The following TSPAN13 variants were observed in gnomAD, a reference collection of about 807,000 sequenced individuals.
TSPAN13 encodes tetraspanin-13.
A neutral mutation model predicts 26.9 loss-of-function variants in TSPAN13; 18 were observed. The observed-to-expected ratio is 0.67, with a 90% CI of 0.46 to 0.99. The LOEUF (loss-of-function observed/expected upper bound fraction) is 0.99. TSPAN13 is among the 50% of genes least tolerant of loss of function. TSPAN13 has a pLI of 0.00. For missense variants in TSPAN13, 201 were observed against 249.6 expected (o/e 0.81, Z 1.31); for synonymous variants, 116 against 98.4 (o/e 1.18, Z -1.06).
chr7:16,763,553 T>G (rs995278407), intron 1 of TSPAN13, among the ~76,000 whole-genome samples: 2 of 152,234 alleles, frequency 1.3e-5, no homozygotes, highest in Admixed American at 1.3e-4. Flanking sequence ...GATCTTTCCC[T>G]GTCCATGATG....
chr7:16,755,169 T>C (rs1784468996), intron 1 of TSPAN13, among the ~76,000 whole-genome samples: 1 of 152,144 alleles, frequency 6.6e-6, no homozygotes, highest in Non-Finnish European at 1.5e-5. Flanking sequence ...CCAGCACCCC[T>C]GCATTAGCAG....
chr7:16,780,612 A>G (rs1012814454), intron 5 of TSPAN13, among the ~76,000 whole-genome samples: 2 of 152,126 alleles, frequency 1.3e-5, no homozygotes, highest in African/African-American at 2.4e-5. Flanking sequence ...TTAAAAATAC[A>G]GATAGAGAAA....
Position 16,777,830 on chromosome 7 carries a change from G to A in TSPAN13, c.345G>A (p.Thr115=), listed in dbSNP as rs769057523. 90 of 1,613,652 alleles carry A rather than the reference G, an allele frequency of 5.6e-5. No individual in the cohort carries two copies. The highest frequency in any genetic ancestry group is 5.3e-4 in the East Asian group (24 of 44,868). ...GQLLEVGWNN[T]ASARNDIQRN... ...TTCTGGAGGTTGGTTGGAACAATACGGCAAGTGCTCGAAATGACATCCAGA... is the reference window on the plus strand; with the variant it reads ...TTCTGGAGGTTGGTTGGAACAATACAGCAAGTGCTCGAAATGACATCCAGA... The change falls in exon 4 of 6, where the codon ACG becomes ACA. Residue 115 remains threonine, a synonymous_variant. Coordinates refer to ENST00000262067, the MANE Select transcript of TSPAN13 (RefSeq NM_014399.4).
At chr7:16,776,165 C>G in intron 1 of TSPAN13, 46 bp from the exon 2 acceptor site, 1 of 1,580,628 alleles carries the variant, frequency 6.3e-7, no homozygotes, top group East Asian at 2.3e-5. Context: ...CCCATTCTCT[C>G]TCCTCTCTCT....
At chr7:16,770,082 T>C (rs1784656314) in intron 1 of TSPAN13, among the ~76,000 whole-genome samples, 1 of 152,020 alleles carries the variant, frequency 6.6e-6, no homozygotes. Context: ...TCTCCTACCA[T>C]TGGGTTTGTT....
At chr7:16,767,601 T>C (rs1033048308) in intron 1 of TSPAN13, among the ~76,000 whole-genome samples, 1 of 152,206 alleles carries the variant, frequency 6.6e-6, no homozygotes, top group Non-Finnish European at 1.5e-5. Flanking sequence ...GGGATACATA[T>C]AATTTTCCTA....
At chr7:16,768,550 T>C (rs1322948058) in intron 1 of TSPAN13, among the ~76,000 whole-genome samples, 1 of 152,242 alleles carries the variant, frequency 6.6e-6, no homozygotes, top group Non-Finnish European at 1.5e-5. Context: ...AATACTTTCT[T>C]AAACAGAGTA....
At chr7:16,759,760 C>T (rs976966198) in intron 1 of TSPAN13, among the ~76,000 whole-genome samples, 10 of 149,044 alleles carry the variant, frequency 6.7e-5, no homozygotes, top group Admixed American at 2.7e-4. Flanking sequence ...GATCTCAGCT[C>T]ACTGCCAGAG....
chr7:16,770,901 C>T (rs147228141), intron 1 of TSPAN13, among the ~76,000 whole-genome samples: 5 of 152,310 alleles, frequency 3.3e-5, no homozygotes, highest in East Asian at 1.9e-4. Flanking sequence ...TTGATAGGCT[C>T]GTGTTTCTCT....
intron 5 of TSPAN13, 133 bp downstream of exon 5, chr7:16,779,249 T>C: frequency 3.2e-6 from 2 of 630,920 alleles, no homozygotes; most frequent in Non-Finnish European, 5.3e-6. Context: ...AAACTTGGTT[T>C]AGAATCAGAA....
intron 1 of TSPAN13, among the ~76,000 whole-genome samples, chr7:16,766,558 G>T (rs1450179238): frequency 6.6e-6 from 1 of 152,154 alleles, no homozygotes; most frequent in Admixed American, 6.5e-5. Context: ...ACTGCCTGTT[G>T]CCTTCAGTTG....
intron 5 of TSPAN13, 70 bp from the exon 6 acceptor site, chr7:16,783,347 G>A: frequency 6.9e-7 from 1 of 1,446,882 alleles, no homozygotes; most frequent in Admixed American, 1.8e-5. Flanking sequence ...TTATTTTATT[G>A]ATCAACTGAA....
rs1373083403 is a variant in TSPAN13 at position 16,784,429 on chromosome 7, C to T, written c.*938C>T. 2.0e-5 allele frequency: 3 copies of T among 152,036 alleles called. No individual in the cohort carries two copies. The highest frequency in any genetic ancestry group is 2.9e-5 in the Non-Finnish European group (2 of 67,992). The allele number at this position is 152,036 out of a possible 1,614,324, so 9.4% of individuals were successfully genotyped here. A position where few individuals can be genotyped will look rare whatever the true frequency, so the allele number is the denominator to read the frequency against. ...ATCTCCCATAATTTGAAATTGAAATCGTATTGTGTGGCTCTGTATATTCTG... is the reference window on the plus strand; with the variant it reads ...ATCTCCCATAATTTGAAATTGAAATTGTATTGTGTGGCTCTGTATATTCTG... On this transcript the variant is annotated 3_prime_UTR_variant, in exon 6 of 6. Coordinates refer to ENST00000262067, the MANE Select transcript of TSPAN13 (RefSeq NM_014399.4).
chr7:16,754,180 C>A, intron 1 of TSPAN13, 150 bp downstream of exon 1: 1 of 802,304 alleles, frequency 1.2e-6, no homozygotes, highest in Non-Finnish European at 2.0e-6. Flanking sequence ...CCTCACCATC[C>A]GTCCCCGCCG....
rs770965298 is a variant in TSPAN13, at chr7:16,776,392, A to T, written c.231+14A>T. 6.2e-7 allele frequency: 1 copy of T among 1,604,844 alleles called. No individual in the cohort carries two copies. Among genetic ancestry groups the T allele is most frequent in the Non-Finnish European group, 8.5e-7 (1 of 1,174,728 alleles). On this transcript the variant is annotated intron_variant, in intron 2 of 5. Coordinates refer to ENST00000262067, the MANE Select transcript of TSPAN13 (RefSeq NM_014399.4). ...TTGCTATTTTTTGTATCCTTTTTAA[A>T]AATCAAGATTTTACTCTTGATGACT...
chr7:16,779,190 CTTG>C, intron 5 of TSPAN13, 74 bp downstream of exon 5: 2 of 1,115,168 alleles, frequency 1.8e-6, no homozygotes, highest in East Asian at 2.4e-5. Context: ...GGCCTTGATT[CTTG>C]TTATCAGTGA....
At chr7:16,779,675 A>G (rs1784793370) in intron 5 of TSPAN13, among the ~76,000 whole-genome samples, 1 of 151,656 alleles carries the variant, frequency 6.6e-6, no homozygotes, top group Non-Finnish European at 1.5e-5. Flanking sequence ...TTTATCATAT[A>G]TTTTATTCAA....
chr7:16,767,683 T>C (rs538278094), intron 1 of TSPAN13, among the ~76,000 whole-genome samples: 6 of 152,338 alleles, frequency 3.9e-5, no homozygotes, highest in African/African-American at 1.4e-4. Flanking sequence ...TTTTAGGTTC[T>C]TTACATTCTT....
chr7:16,776,179 C>G, intron 1 of TSPAN13, 32 bp from the exon 2 acceptor site: 1 of 1,607,942 alleles, frequency 6.2e-7, no homozygotes, highest in South Asian at 1.1e-5. Flanking sequence ...TCTCTCTCGT[C>G]CTCTACCCCT....
Sources: allele counts gnomAD v4.1 joint callset (sites outside exome capture counted in the v4.1 genomes callset), GRCh38; gene constraint gnomAD v4.1.1; transcripts MANE v1.5; gene names NCBI Gene and HGNC (gene_info 2026-07-23, HGNC 2026-07-21).